LGI2: variants seen among roughly 807,000 people sequenced by gnomAD.
LGI2 encodes the protein leucine rich repeat LGI family member 2, also known as leucine-rich repeat LGI family member 2.
In LGI2, 30 loss-of-function variants were observed where a neutral mutation model predicts 52.0. That is an observed-to-expected ratio of 0.58 (90% CI 0.43 to 0.78). The LOEUF (loss-of-function observed/expected upper bound fraction) is 0.78. LGI2 is among the 30% of genes least tolerant of loss of function. The pLI, the probability that LGI2 is intolerant of heterozygous loss-of-function variation, is 0.00. For missense variants in LGI2, 573 were observed against 692.5 expected, an observed-to-expected ratio of 0.83 and a Z score of 1.94; for synonymous variants, 270 against 271.8, an observed-to-expected ratio of 0.99 and a Z score of 0.06.
chr4:25,019,663 T>C (rs1725892262), intron 4 of LGI2, among the ~76,000 whole-genome samples: 1 of 152,158 alleles, frequency 6.6e-6, no homozygotes. Context: ...AGGTGAGGCA[T>C]GCTCCTACCC....
At chr4:25,023,395 G>A (rs1196969324) in intron 4 of LGI2, among the ~76,000 whole-genome samples, 1 of 152,156 alleles carries the variant, frequency 6.6e-6, no homozygotes, top group Non-Finnish European at 1.5e-5. Context: ...AAGAAATGAA[G>A]ACCTAGGACA....
chr4:25,021,645 C>T (rs1449290275), intron 4 of LGI2, among the ~76,000 whole-genome samples: 3 of 152,018 alleles, frequency 2.0e-5, no homozygotes, highest in Non-Finnish European at 4.4e-5. Flanking sequence ...CTTTAAAAGT[C>T]GCCTGGCCGG....
At position 25,012,378 on chromosome 4, in the gene LGI2, C is replaced by G; in HGVS notation, c.777G>C (p.Trp259Cys). 1.9e-6 allele frequency: 3 copies of G among 1,614,250 alleles called. No homozygotes were observed. Among genetic ancestry groups the G allele is most frequent in the Non-Finnish European group, 2.5e-6 (3 of 1,180,052 alleles). The change falls in exon 7 of 8, where the codon TGG becomes TGC. Residue 259 changes from tryptophan to cysteine, a missense_variant. Trp to Cys is a radical substitution (Grantham distance 215). Coordinates refer to ENST00000382114, the MANE Select transcript of LGI2 (RefSeq NM_018176.4). ...TCCGGAAATTCATTTCAATGTGGTC[C>G]CACTCCAGCACCATGCAGTTCTCCA... The part of the protein sequence containing the change: ...PSMENCMVLE[W>C]DHIEMNFRSY...
chr4:25,018,207 T>G, intron 5 of LGI2, 49 bp from the exon 6 acceptor site: 1 of 1,371,334 alleles, frequency 7.3e-7, no homozygotes, highest in Non-Finnish European at 9.9e-7. Context: ...AATAGATGTG[T>G]CTGACATGTT....
intron 7 of LGI2, among the ~76,000 whole-genome samples, chr4:25,005,052 T>G (rs1725356823): frequency 6.6e-6 from 1 of 152,202 alleles, no homozygotes; most frequent in Non-Finnish European, 1.5e-5. Context: ...AGACGAATAC[T>G]ATATGATTCC....
At chr4:25,012,887 G>A (rs28645772) in intron 6 of LGI2, among the ~76,000 whole-genome samples, 261 of 152,308 alleles carry the variant, frequency 1.7e-3, no homozygotes, top group African/African-American at 5.7e-3. Context: ...CGGGGGCTGC[G>A]GTCCAGTGAG....
chr4:25,004,602 T>C lies in LGI2; in HGVS notation c.821-334A>G, dbSNP rs1455785808. Among the ~76,000 whole-genome samples the C allele has an allele frequency of 6.6e-6, 1 of 152,122 alleles. No homozygotes were observed. The highest frequency in any genetic ancestry group is 1.5e-5 in the Non-Finnish European group (1 of 68,018). On this transcript the variant is annotated intron_variant, in intron 7 of 7. Coordinates refer to ENST00000382114, the MANE Select transcript of LGI2 (RefSeq NM_018176.4). This position sits in a 1 kb window ranked among gnomAD's most constrained non-coding sequence, Gnocchi z 4.6. ...TGGTGGTGGGGCCTTTGGGAGGTGA[T>C]TAGGTCATGGGAGCAGAGTCCTCAG...
At chr4:25,024,972 TAAAA>T in intron 3 of LGI2, 81 bp from the exon 4 acceptor site, 1 of 910,170 alleles carries the variant, frequency 1.1e-6, no homozygotes, top group Non-Finnish European at 1.7e-6. Context: ...GCTTTCAGAA[TAAAA>T]TCTAAAAGTA....
chr4:24,994,947 G>A (rs1015970568), downstream of LGI2, among the ~76,000 whole-genome samples: 4 of 152,182 alleles, frequency 2.6e-5, no homozygotes, highest in Non-Finnish European at 5.9e-5. Flanking sequence ...TCTCGGCCAT[G>A]GTTAAGGAAG....
chr4:24,998,674 T>C (rs140270875), downstream of LGI2, among the ~76,000 whole-genome samples: 156 of 152,256 alleles, frequency 1.0e-3, no homozygotes, highest in African/African-American at 3.7e-3. Context: ...TTTTGGGTGA[T>C]TTTTTAGTTT....
chr4:25,014,342 C>G (rs1247826876), intron 6 of LGI2, among the ~76,000 whole-genome samples: 1 of 152,188 alleles, frequency 6.6e-6, no homozygotes. Context: ...TCTAGCCTGT[C>G]GTGGCCCTGT....
At position 25,004,068 on chromosome 4, in the gene LGI2, C is replaced by T; in HGVS notation, c.1021G>A (p.Val341Ile). ...LFQIDDETFF[V>I]IADSSKAGLS... ...CCAGCCTTTGAGCTGTCTGCGATGA[C>T]AAAGAACGTCTCGTCGTCGATCTGA... Residue 341 changes from valine (V) to isoleucine (I), a missense_variant, in exon 8 of 8, where the codon GTC becomes ATC. Transcript: ENST00000382114. This position sits in a 1 kb window ranked among gnomAD's most constrained non-coding sequence, Gnocchi z 4.6. 1 of 1,614,186 alleles carries T rather than the reference C, an allele frequency of 6.2e-7. No individual in the cohort carries two copies.
chr4:25,016,461 G>A (rs151046554), intron 6 of LGI2, among the ~76,000 whole-genome samples: 28 of 152,316 alleles, frequency 1.8e-4, no homozygotes, highest in African/African-American at 6.0e-4. Flanking sequence ...GCCACCTTTT[G>A]GTGCAAATGT....
In LGI2 at chr4:25,012,503, G is replaced by C. The variant is rs1345710277; in HGVS notation, c.656-4C>G. 2 of 1,612,092 alleles carry C rather than the reference G, an allele frequency of 1.2e-6. No homozygotes were observed. The highest frequency in any genetic ancestry group is 1.3e-5 in the African/African-American group (1 of 74,846). On this transcript the variant is annotated splice_polypyrimidine_tract_variant and splice_region_variant and intron_variant, in intron 6 of 7. Transcript: ENST00000382114. ...AAAGTCTGATGAACAACAAAATCTG[G>C]GGATGGGTGTTTAAAAAGAAAAGCG... is the stretch of plus-strand genomic sequence containing the variant.
chr4:25,018,285 T>C, intron 5 of LGI2, 127 bp from the exon 6 acceptor site: 1 of 620,606 alleles, frequency 1.6e-6, no homozygotes, highest in South Asian at 2.6e-5. Context: ...AAAAATGGAG[T>C]TTAAAAACTT....
At chr4:25,007,081 T>C (rs1180435092) in intron 7 of LGI2, among the ~76,000 whole-genome samples, 4 of 152,236 alleles carry the variant, frequency 2.6e-5, no homozygotes, top group Admixed American at 6.5e-5. Context: ...GCCCATGCTG[T>C]GAACATTTCC....
At chr4:25,012,279 G>A (rs560853814) in intron 7 of LGI2, 56 bp downstream of exon 7, 10 of 1,593,616 alleles carry the variant, frequency 6.3e-6, no homozygotes, top group South Asian at 1.1e-5. Flanking sequence ...CTCCTCCCGC[G>A]GGCTTGCCGC....
At chr4:25,012,581 C>T (rs1725625936) in intron 6 of LGI2, 82 bp from the exon 7 acceptor site, 1 of 1,445,964 alleles carries the variant, frequency 6.9e-7, no homozygotes, top group Non-Finnish European at 9.6e-7. Flanking sequence ...TCCATCATCA[C>T]ATCAGCTCTG....
chr4:25,005,218 A>T (rs1725361715), intron 7 of LGI2, among the ~76,000 whole-genome samples: 1 of 152,216 alleles, frequency 6.6e-6, no homozygotes, highest in South Asian at 2.1e-4. Flanking sequence ...TTAGTTGTAC[A>T]ACACTGTGAA....
Sources: gnomAD v4.1 joint callset for allele counts (sites outside exome capture counted in the v4.1 genomes callset) on GRCh38, gnomAD v4.1.1 for gene constraint, Gnocchi (gnomAD v3.1) non-coding constraint, MANE v1.5 for transcripts, NCBI Gene and HGNC (gene_info 2026-07-23, HGNC 2026-07-21) for gene names.